The following TENM2 variants were observed in gnomAD, a reference collection of about 807,000 sequenced individuals.
TENM2 encodes the protein teneurin-2.
A neutral mutation model predicts 245.2 loss-of-function variants in TENM2; 52 were observed. That is an observed-to-expected ratio of 0.21 (90% CI 0.17 to 0.27). The LOEUF is 0.27. Ranked by LOEUF, TENM2 falls within the 10% of genes least tolerant of loss-of-function variation. The pLI is 1.00. For synonymous variants in TENM2, 1,363 were observed against 1,438.9 expected, an observed-to-expected ratio of 0.95 and a Z score of 1.19; for missense variants, 3,046 against 3,666.8, an observed-to-expected ratio of 0.83 and a Z score of 4.37.
At chr5:167,552,751 C>G (rs1056735126) in intron 2 of TENM2, among the ~76,000 whole-genome samples, 4 of 152,156 alleles carry the variant, frequency 2.6e-5, no homozygotes, top group African/African-American at 9.7e-5. Context: ...CTCTTTCTGT[C>G]TCTAGGGACA....
At chr5:168,068,816 T>C (rs1322822605) in intron 7 of TENM2, among the ~76,000 whole-genome samples, 1 of 147,310 alleles carries the variant, frequency 6.8e-6, no homozygotes, top group Non-Finnish European at 1.5e-5. Flanking sequence ...TCTTTTATAC[T>C]TCTCTTAATT....
chr5:168,158,007 C>T (rs552603421), intron 12 of TENM2, among the ~76,000 whole-genome samples: 1 of 152,192 alleles, frequency 6.6e-6, no homozygotes. Flanking sequence ...ACTGCAGCCT[C>T]TGCCTTCCGG....
intron 5 of TENM2, among the ~76,000 whole-genome samples, chr5:168,032,757 C>T (rs189006461): frequency 1.2e-3 from 182 of 152,292 alleles, no homozygotes; most frequent in African/African-American, 3.6e-3. Context: ...AGCCTTTCCT[C>T]AGCCGCTGGT....
At chr5:167,641,206 G>C (rs1296914155) in intron 2 of TENM2, among the ~76,000 whole-genome samples, 1 of 151,920 alleles carries the variant, frequency 6.6e-6, no homozygotes, top group Non-Finnish European at 1.5e-5. Context: ...AAACCTAAAA[G>C]TTAATACTGC....
chr5:167,675,032 C>G lies in TENM2; in HGVS notation c.503-200954C>G, dbSNP rs550687262. 9.9e-4 allele frequency among the ~76,000 whole-genome samples: 151 copies of G among 152,178 alleles called. 2 individuals carry two copies. Among genetic ancestry groups the G allele is most frequent in the Admixed American group, 2.6e-3 (40 of 15,260 alleles). On this transcript the variant is annotated intron_variant, in intron 2 of 28. Transcript: ENST00000518659. ...CTTCAACTTAGAACACCCATTCTGTCAAACTGATGTGCTGTCTGATGAATG... is the reference window on the plus strand; with the variant it reads ...CTTCAACTTAGAACACCCATTCTGTGAAACTGATGTGCTGTCTGATGAATG...
the TENM2 span, among the ~76,000 whole-genome samples, chr5:167,138,421 A>C: frequency 6.6e-6 from 1 of 152,182 alleles, no homozygotes; most frequent in Non-Finnish European, 1.5e-5. Context: ...GGACACCTAC[A>C]TAAAAGGCAA....
At chr5:167,908,384 CCCCTCTCTTCTCCTCTCCCCTCCCCTA>C (rs1776273570) in intron 3 of TENM2, among the ~76,000 whole-genome samples, 1 of 97,074 alleles carries the variant, frequency 1.0e-5, no homozygotes, top group African/African-American at 4.0e-5. Context: ...CCCCTCCCTT[CCCCTCTCTTCTCCTCTCCCCTCCCCTA>C]CCCTCTCTTC....
At chr5:168,092,175 A>G (rs990650186) in intron 8 of TENM2, among the ~76,000 whole-genome samples, 2 of 152,208 alleles carry the variant, frequency 1.3e-5, no homozygotes, top group Non-Finnish European at 2.9e-5. Flanking sequence ...ATTCTTCATC[A>G]GTGGCCACAA....
the TENM2 span, among the ~76,000 whole-genome samples, chr5:167,039,970 C>T: frequency 2.6e-5 from 4 of 152,150 alleles, no homozygotes; most frequent in East Asian, 3.9e-4. Context: ...CTCAAATAAT[C>T]TTCTGTTTCT....
chr5:167,931,549 TGGAAA>T (rs1391397929), intron 3 of TENM2, among the ~76,000 whole-genome samples: 4,504 of 90,852 alleles, frequency 0.05, 260 homozygotes, highest in African/African-American at 0.16. Flanking sequence ...ATAAACCCAT[TGGAAA>T]AAAAAAAAAA....
intron 9 of TENM2, among the ~76,000 whole-genome samples, chr5:168,113,158 T>TA (rs1491288299): frequency 2.0e-5 from 3 of 147,948 alleles, no homozygotes; most frequent in African/African-American, 7.7e-5. Flanking sequence ...CTCTACCGAA[T>TA]TTTTTTTTTA....
intron 2 of TENM2, among the ~76,000 whole-genome samples, chr5:167,596,996 C>A (rs1903110): frequency 0.21 from 31,925 of 151,718 alleles, 3,505 homozygotes; most frequent in East Asian, 0.26. Context: ...TTTTCTAAAT[C>A]CGGCTGCTTA....
chr5:167,399,388 G>A lies in TENM2; in HGVS notation c.502+23915G>A, dbSNP rs1209361806. ...CCAACTGCAGGCTGTAGTGCAGAGC[G>A]CCTTTAACTACAGCAGAACGCTGCA... On this transcript the variant is annotated intron_variant, in intron 2 of 28. Coordinates refer to ENST00000518659, the Ensembl canonical transcript of TENM2. Among the ~76,000 whole-genome samples the A allele has an allele frequency of 6.6e-5, 10 of 152,146 alleles. 1 individual carries two copies. The highest frequency in any genetic ancestry group is 2.1e-4 in the South Asian group (1 of 4,822).
At chr5:167,976,413 G>A (rs1782450933) in intron 4 of TENM2, among the ~76,000 whole-genome samples, 1 of 152,078 alleles carries the variant, frequency 6.6e-6, no homozygotes, top group Non-Finnish European at 1.5e-5. Flanking sequence ...GGATATTTAT[G>A]ATATTTAAGT....
chr5:167,009,313 G>A, the TENM2 span, among the ~76,000 whole-genome samples: 1 of 152,004 alleles, frequency 6.6e-6, no homozygotes, highest in African/African-American at 2.4e-5. Flanking sequence ...TTTCTTACAC[G>A]TCTTTCCCCT....
intron 6 of TENM2, among the ~76,000 whole-genome samples, chr5:168,055,644 C>A (rs867265059): frequency 1.3e-5 from 2 of 152,266 alleles, no homozygotes; most frequent in Middle Eastern, 6.8e-3. Flanking sequence ...CTACAGCAGG[C>A]AGCCTGTATT....
intron 2 of TENM2, among the ~76,000 whole-genome samples, chr5:167,841,283 C>A (rs910525005): frequency 6.6e-6 from 1 of 152,142 alleles, no homozygotes; most frequent in African/African-American, 2.4e-5. Context: ...GATCTCGAAC[C>A]TGACCTCAGG....
chr5:167,356,217 A>AAAAAAAAAAAAAAAAGAAAAATT (rs1759321624), intron 1 of TENM2, among the ~76,000 whole-genome samples: 14 of 129,168 alleles, frequency 1.1e-4, no homozygotes, highest in African/African-American at 4.2e-4. Context: ...AAAAAAAAAA[A>AAAAAAAAAAAAAAAAGAAAAATT]AAAATTAAAA....
rs1422973012 is a variant in TENM2 at position 168,199,756 on chromosome 5, A to G, written c.3163-108A>G. 14 of 1,217,992 alleles carry G rather than the reference A, an allele frequency of 1.1e-5. No individual in the cohort carries two copies. In the Admixed American group the frequency reaches 1.5e-4, roughly 13 times the overall value. 75.4% of individuals were successfully genotyped at this position (1,217,992 alleles called of 1,614,324 possible). On this transcript the variant is annotated intron_variant, in intron 16 of 28. Coordinates refer to ENST00000518659, the Ensembl canonical transcript of TENM2. ...TGGTAAGTGGTTCTTGCACCCACAT[A>G]AGATGTGATGCCTCAGTGAGGGACA...
Sources: gnomAD v4.1 joint callset for allele counts (sites outside exome capture counted in the v4.1 genomes callset) on GRCh38, gnomAD v4.1.1 for gene constraint, MANE v1.5 for transcripts, NCBI Gene and HGNC (gene_info 2026-07-23, HGNC 2026-07-21) for gene names.